Variants in PTDSS1 observed in about 807,000 individuals in gnomAD.
PTDSS1 encodes phosphatidylserine synthase 1, also known as PSS-1.
In PTDSS1, 45 loss-of-function variants were observed where a neutral mutation model predicts 70.5. The observed-to-expected ratio is 0.64, with a 90% CI of 0.50 to 0.82. The LOEUF (loss-of-function observed/expected upper bound fraction) is 0.82. PTDSS1 is among the 40% of genes least tolerant of loss of function. PTDSS1 has a pLI of 0.00. For synonymous variants in PTDSS1, 188 were observed against 203.8 expected, an observed-to-expected ratio of 0.92 and a Z score of 0.66; for missense variants, 417 against 586.1, an observed-to-expected ratio of 0.71 and a Z score of 2.98.
chr8:96,287,117 C>T lies in PTDSS1; in HGVS notation c.412C>T (p.Arg138Ter), dbSNP rs1039312152. 4 of 1,614,190 alleles carry T rather than the reference C, an allele frequency of 2.5e-6. No individual in the cohort carries two copies. The highest frequency in any genetic ancestry group is 1.7e-5 in the Admixed American group (1 of 60,020). The change falls in exon 4 of 13, where the codon CGA becomes TGA. Residue 138 changes from arginine to a stop codon, truncating the protein, a stop_gained. Coordinates refer to ENST00000517309, the MANE Select transcript of PTDSS1 (RefSeq NM_014754.3). LOFTEE classifies it high-confidence loss of function. ...AATGTATTGGCTAGATCCAAATCTTCGATACGCCACAAGGGAAGCAGATGT... is the reference window on the plus strand; with the variant it reads ...AATGTATTGGCTAGATCCAAATCTTTGATACGCCACAAGGGAAGCAGATGT... ...SLMYWLDPNLRYATREADVME... is the reference protein window; with the variant it reads ...SLMYWLDPNL
intron 1 of PTDSS1, among the ~76,000 whole-genome samples, chr8:96,266,352 A>G (rs1472887305): frequency 6.6e-6 from 1 of 152,244 alleles, no homozygotes; most frequent in East Asian, 1.9e-4. Flanking sequence ...GGAGACAGGC[A>G]AGGACAGGGA....
At chr8:96,327,895 A>G (rs1811460630) in intron 10 of PTDSS1, among the ~76,000 whole-genome samples, 1 of 151,880 alleles carries the variant, frequency 6.6e-6, no homozygotes, top group Non-Finnish European at 1.5e-5. Flanking sequence ...GAGCCTTGAC[A>G]TTTTCAGTGG....
chr8:96,282,318 G>A (rs552514958), intron 2 of PTDSS1, among the ~76,000 whole-genome samples: 11 of 152,192 alleles, frequency 7.2e-5, no homozygotes, highest in Non-Finnish European at 1.6e-4. Context: ...TTGACAAAAG[G>A]TGATGGTGTC....
At chr8:96,304,574 T>C (rs1811097504) in intron 7 of PTDSS1, among the ~76,000 whole-genome samples, 1 of 152,232 alleles carries the variant, frequency 6.6e-6, no homozygotes, top group Admixed American at 6.5e-5. Context: ...AAATTGTTCC[T>C]CAGCTGTTAC....
chr8:96,293,808 T>C (rs182816038), intron 4 of PTDSS1, among the ~76,000 whole-genome samples: 296 of 152,320 alleles, frequency 1.9e-3, no homozygotes, highest in African/African-American at 6.9e-3. Context: ...CCCTACACAG[T>C]GTATTCCAGA....
chr8:96,324,375 A>G lies in PTDSS1; in HGVS notation c.1173+4030A>G, dbSNP rs549030473. 3.3e-4 allele frequency among the ~76,000 whole-genome samples: 50 copies of G among 152,278 alleles called. 1 individual carries two copies. The South Asian group carries it at 0.01, about 32-fold the overall frequency. On this transcript the variant is annotated intron_variant, in intron 10 of 12. Transcript: ENST00000517309. ...AAAAGCTGCTTCCATATTTTCAAGT[A>G]TTTGTTATAGTAACCACCCCACTTT...
intron 10 of PTDSS1, among the ~76,000 whole-genome samples, chr8:96,321,835 G>A (rs1162898527): frequency 6.6e-6 from 1 of 152,098 alleles, no homozygotes; most frequent in Non-Finnish European, 1.5e-5. Context: ...ACAATAAAAG[G>A]GAATAATGAT....
rs549256230 is a variant in PTDSS1, at chr8:96,304,020, G to A, written c.753-20G>A. On this transcript the variant is annotated intron_variant, in intron 6 of 12. Transcript: ENST00000517309. ...CTGCCTTATCTCTGGATTTTCACTG[G>A]AGCCATTCTCTTCTTACAGGGACAT... The A allele has an allele frequency of 1.1e-5, 18 of 1,594,144 alleles. No homozygotes were observed. In the African/African-American group the frequency reaches 2.3e-4, roughly 21 times the overall value.
At chr8:96,323,850 G>A (rs1811404106) in intron 10 of PTDSS1, among the ~76,000 whole-genome samples, 1 of 152,190 alleles carries the variant, frequency 6.6e-6, no homozygotes, top group Non-Finnish European at 1.5e-5. Context: ...TGTTTACATG[G>A]CCAGGCTTTG....
intron 4 of PTDSS1, among the ~76,000 whole-genome samples, chr8:96,292,007 A>C (rs551959602): frequency 6.6e-6 from 1 of 152,250 alleles, no homozygotes; most frequent in South Asian, 2.1e-4. Context: ...GGGGCTGAGC[A>C]TGGTGGCTCA....
chr8:96,270,459 AGGGGAGTTTGGCATCCTCACCT>A (rs1160258057), intron 1 of PTDSS1, among the ~76,000 whole-genome samples: 10 of 152,166 alleles, frequency 6.6e-5, no homozygotes, highest in Non-Finnish European at 4.4e-5. Context: ...CTGTGGCCAG[AGGGGAGTTTGGCATCCTCACCT>A]GTCAGGCATT....
Position 96,326,456 on chromosome 8 carries a change from C to T in PTDSS1, c.1174-3757C>T, listed in dbSNP as rs544096852. 9.2e-5 allele frequency among the ~76,000 whole-genome samples: 14 copies of T among 152,324 alleles called. No homozygotes were observed. In the East Asian group the frequency reaches 1.7e-3, roughly 19 times the overall value. On this transcript the variant is annotated intron_variant, in intron 10 of 12. Coordinates refer to ENST00000517309, the MANE Select transcript of PTDSS1 (RefSeq NM_014754.3). ...CTTTTGGCCCCACTGTCTCAAGCAC[C>T]GTGCCTGGTGCATAGGAAGCACTCG...
chr8:96,267,573 C>T (rs1810506087), intron 1 of PTDSS1, among the ~76,000 whole-genome samples: 1 of 152,206 alleles, frequency 6.6e-6, no homozygotes, highest in Non-Finnish European at 1.5e-5. Flanking sequence ...TCACCTTTCT[C>T]CTGCTTTACT....
At position 96,333,634 on chromosome 8, in the gene PTDSS1, A is replaced by G. The variant is rs1435628023; in HGVS notation, c.*68A>G. 3 of 1,478,502 alleles carry G rather than the reference A, an allele frequency of 2.0e-6. No homozygotes were observed. Among genetic ancestry groups the G allele is most frequent in the African/African-American group, 1.4e-5 (1 of 71,858 alleles). 91.6% of individuals were successfully genotyped at this position (1,478,502 alleles called of 1,614,324 possible). ...GAGAGGGAAATGGAACTCATTTGGA[A>G]CTCCCCGTGAGGAGGTCGAGGCGCA... On this transcript the variant is annotated 3_prime_UTR_variant, in exon 13 of 13. Coordinates refer to ENST00000517309, the MANE Select transcript of PTDSS1 (RefSeq NM_014754.3).
chr8:96,275,534 G>A (rs1810628429), intron 2 of PTDSS1, among the ~76,000 whole-genome samples: 1 of 152,140 alleles, frequency 6.6e-6, no homozygotes, highest in African/African-American at 2.4e-5. Context: ...CGTTAGAGGA[G>A]TGCTTGGGTC....
chr8:96,283,613 TCTCA>T (rs946234604), intron 2 of PTDSS1: 19 of 144,276 alleles, frequency 1.3e-4, no homozygotes, highest in East Asian at 8.2e-4. Flanking sequence ...TCTCTCTCTC[TCTCA>T]CACACACACA....
chr8:96,326,382 G>A (rs535393918), intron 10 of PTDSS1, among the ~76,000 whole-genome samples: 36 of 152,096 alleles, frequency 2.4e-4, no homozygotes, highest in African/African-American at 7.5e-4. Flanking sequence ...TTTTCTATCT[G>A]TCTCCTCCAC....
At chr8:96,290,086 G>A (rs1222760060) in intron 4 of PTDSS1, among the ~76,000 whole-genome samples, 2 of 152,100 alleles carry the variant, frequency 1.3e-5, no homozygotes, top group Non-Finnish European at 2.9e-5. Context: ...TTACAGGGGA[G>A]GAGATGGAAG....
chr8:96,287,997 T>C (rs1283221258), intron 4 of PTDSS1, among the ~76,000 whole-genome samples: 1 of 152,200 alleles, frequency 6.6e-6, no homozygotes, highest in Non-Finnish European at 1.5e-5. Flanking sequence ...CACTCGCAAG[T>C]CCAGGCTGTC....
Sources: allele counts gnomAD v4.1 joint callset (sites outside exome capture counted in the v4.1 genomes callset), GRCh38; gene constraint gnomAD v4.1.1; transcripts MANE v1.5; gene names NCBI Gene and HGNC (gene_info 2026-07-23, HGNC 2026-07-21).